AGO4: variants seen among roughly 807,000 people sequenced by gnomAD.
AGO4 encodes argonaute RISC component 4.
A neutral mutation model predicts 104.7 loss-of-function variants in AGO4; 33 were observed. The ratio of observed to expected loss-of-function variants is 0.32; its 90% confidence interval spans 0.24 to 0.42. The LOEUF (loss-of-function observed/expected upper bound fraction) is 0.42. AGO4 is among the 10% of genes least tolerant of loss of function. The pLI is 1.00. For missense variants in AGO4, 711 were observed against 1,083.4 expected (o/e 0.66, Z 4.83); for synonymous variants, 331 against 364.7 (o/e 0.91, Z 1.05).
intron 1 of AGO4, among the ~76,000 whole-genome samples, chr1:35,809,580 A>G (rs1381803080): frequency 6.6e-6 from 1 of 152,190 alleles, no homozygotes; most frequent in Non-Finnish European, 1.5e-5. Flanking sequence ...ATGCCTTTTA[A>G]AAATAAATTG....
intron 15 of AGO4, among the ~76,000 whole-genome samples, chr1:35,843,416 C>G (rs1644496256): frequency 6.6e-6 from 1 of 151,890 alleles, no homozygotes; most frequent in Non-Finnish European, 1.5e-5. Context: ...TCATTGGGCC[C>G]CAGATCCAAT....
chr1:35,835,036 G>T, intron 12 of AGO4, among the ~76,000 whole-genome samples: 1 of 121,304 alleles, frequency 8.2e-6, no homozygotes, highest in Non-Finnish European at 1.8e-5. Context: ...TTTGAGGCAG[G>T]GTCCTGCTCT....
intron 2 of AGO4, among the ~76,000 whole-genome samples, chr1:35,818,499 C>A (rs1424266149): frequency 6.6e-6 from 1 of 152,094 alleles, no homozygotes; most frequent in Non-Finnish European, 1.5e-5. Context: ...TGGCACGTGC[C>A]TGTAATCCCA....
intron 2 of AGO4, among the ~76,000 whole-genome samples, chr1:35,821,764 A>G (rs1410197517): frequency 6.6e-6 from 1 of 152,208 alleles, no homozygotes; most frequent in Non-Finnish European, 1.5e-5. Flanking sequence ...CGGTATACAG[A>G]ATAATAAATC....
intron 7 of AGO4, among the ~76,000 whole-genome samples, chr1:35,828,032 A>C (rs1434728972): frequency 6.6e-6 from 1 of 152,068 alleles, no homozygotes; most frequent in Non-Finnish European, 1.5e-5. Flanking sequence ...GGTGTGAACC[A>C]GCACACCCAG....
rs72659692 is a variant in AGO4 at position 35,826,657 on chromosome 1, A to G, written c.761-91A>G. 65,711 of 1,129,604 alleles carry G rather than the reference A, an allele frequency of 0.058. 2,146 individuals carry two copies. The highest frequency in any genetic ancestry group is 0.077 in the Middle Eastern group (397 of 5,172). 70.0% of individuals were successfully genotyped at this position (1,129,604 alleles called of 1,614,324 possible). A position where few individuals can be genotyped will look rare whatever the true frequency, so the allele number is the denominator to read the frequency against. Reference sequence around the variant, plus strand: ...ATTCTTGCAATTTTTATCCTGTACAATGTCATGACATTTTGAAGACAACAT... The same window carrying G: ...ATTCTTGCAATTTTTATCCTGTACAGTGTCATGACATTTTGAAGACAACAT... On this transcript the variant is annotated intron_variant, in intron 6 of 17. Transcript: ENST00000373210.
intron 16 of AGO4, 60 bp downstream of exon 16, chr1:35,850,318 A>G: frequency 1.6e-6 from 2 of 1,272,494 alleles, no homozygotes; most frequent in African/African-American, 1.5e-5. Context: ...AAATTCAGCA[A>G]CTAGCTTGAG....
At chr1:35,821,868 T>C (rs527375671) in intron 2 of AGO4, among the ~76,000 whole-genome samples, 1 of 152,082 alleles carries the variant, frequency 6.6e-6, no homozygotes, top group Admixed American at 6.6e-5. Flanking sequence ...ATTCTCTTTC[T>C]CAAAACCAAT....
At chr1:35,816,028 A>G (rs1390306386) in intron 1 of AGO4, among the ~76,000 whole-genome samples, 1 of 152,216 alleles carries the variant, frequency 6.6e-6, no homozygotes, top group African/African-American at 2.4e-5. Context: ...CAGATTGTCC[A>G]GGTTCTAAAA....
rs11263829 is a variant in AGO4 at position 35,855,715 on chromosome 1, G to T, written c.*2110G>T. 6 of 150,972 alleles carry T rather than the reference G, an allele frequency of 4.0e-5. No homozygotes were observed. Among genetic ancestry groups the T allele is most frequent in the African/African-American group, 9.8e-5 (4 of 41,020 alleles). The allele number at this position is 150,972 out of a possible 1,614,324, so 9.4% of individuals were successfully genotyped here. On this transcript the variant is annotated 3_prime_UTR_variant, in exon 18 of 18. Transcript: ENST00000373210. ...AATACAAATCAGGACATGTTGGTGA[G>T]GGGCTGGCTGCTTGGCTGCTGCTTT...
At chr1:35,848,970 A>G (rs540672536) in intron 15 of AGO4, among the ~76,000 whole-genome samples, 1 of 152,330 alleles carries the variant, frequency 6.6e-6, no homozygotes, top group South Asian at 2.1e-4. Context: ...GCATAGGTGT[A>G]TGATCTTCAG....
At chr1:35,815,175 G>A (rs2148650447) in intron 1 of AGO4, among the ~76,000 whole-genome samples, 1 of 152,282 alleles carries the variant, frequency 6.6e-6, no homozygotes, top group Admixed American at 6.5e-5. Flanking sequence ...ACCACGCCTG[G>A]CCCAGAACAA....
chr1:35,827,997 G>A (rs1401736923), intron 7 of AGO4, among the ~76,000 whole-genome samples: 2 of 151,060 alleles, frequency 1.3e-5, no homozygotes, highest in East Asian at 3.9e-4. Context: ...TGCCCGCCTC[G>A]GCCTCCCAAA....
At chr1:35,830,474 G>A (rs1207236839) in intron 7 of AGO4, among the ~76,000 whole-genome samples, 1 of 152,160 alleles carries the variant, frequency 6.6e-6, no homozygotes, top group Non-Finnish European at 1.5e-5. Flanking sequence ...ATTTGTACCT[G>A]TAGGTGTTAC....
Position 35,850,970 on chromosome 1 carries a change from A to T in AGO4, c.2394A>T (p.Ser798=), listed in dbSNP as rs4652895. 1.9e-5 allele frequency: 31 copies of T among 1,613,850 alleles called. No homozygotes were observed. Among genetic ancestry groups the T allele is most frequent in the Admixed American group, 3.3e-5 (2 of 59,946 alleles). Residue 798 remains serine (S), a synonymous_variant, in exon 17 of 18, where the codon TCA becomes TCT. Transcript: ENST00000373210. ...ACACCTATGTGAGGTGCACTCGCTCAGTCTCTATTCCAGCCCCTGCATATT... is the reference window on the plus strand; with the variant it reads ...ACACCTATGTGAGGTGCACTCGCTCTGTCTCTATTCCAGCCCCTGCATATT... The part of the protein sequence containing the change: ...LCHTYVRCTR[S]VSIPAPAYYA...
intron 13 of AGO4, among the ~76,000 whole-genome samples, chr1:35,837,127 G>A (rs1451078188): frequency 6.6e-6 from 1 of 152,064 alleles, no homozygotes; most frequent in African/African-American, 2.4e-5. Flanking sequence ...CTGTCACTCA[G>A]GCTGGAGTGC....
intron 1 of AGO4, among the ~76,000 whole-genome samples, chr1:35,813,681 C>T (rs1643582884): frequency 7.0e-6 from 1 of 143,182 alleles, no homozygotes; most frequent in Non-Finnish European, 1.5e-5. Context: ...TCCAGGAGGT[C>T]GAGGCTGCAG....
rs570916207 is a variant in AGO4 at position 35,808,622 on chromosome 1, C to G, written c.19+187C>G. Among the ~76,000 whole-genome samples the G allele has an allele frequency of 6.6e-6, 1 of 152,180 alleles. No homozygotes were observed. The highest frequency in any genetic ancestry group is 2.4e-5 in the African/African-American group (1 of 41,552). ...TGGGGGGCGGTGACCGCGCCCCAGCCGGCCGTTGGGTGGATCCCGAGGTCC... is the reference window on the plus strand; with the variant it reads ...TGGGGGGCGGTGACCGCGCCCCAGCGGGCCGTTGGGTGGATCCCGAGGTCC... On this transcript the variant is annotated intron_variant, in intron 1 of 17. Transcript: ENST00000373210. This position sits in a 1 kb window ranked among gnomAD's most constrained non-coding sequence, Gnocchi z 5.2.
At position 35,853,902 on chromosome 1, in the gene AGO4, G is replaced by A. The variant is rs1644763422; in HGVS notation, c.*297G>A. The stretch of plus-strand genomic sequence containing the variant: ...CTTTCTAAAGGACTTTACAAGAAGG[G>A]TTTCTATGGAATATTTTGCTAGCTG... On this transcript the variant is annotated 3_prime_UTR_variant, in exon 18 of 18. Transcript: ENST00000373210. 1.4e-5 allele frequency: 3 copies of A among 220,562 alleles called. No individual in the cohort carries two copies. In the Admixed American group the frequency reaches 1.7e-4, roughly 12 times the overall value. 13.7% of individuals were successfully genotyped at this position (220,562 alleles called of 1,614,324 possible).
Sources: gnomAD v4.1 joint callset for allele counts (sites outside exome capture counted in the v4.1 genomes callset) on GRCh38, gnomAD v4.1.1 for gene constraint, Gnocchi (gnomAD v3.1) non-coding constraint, MANE v1.5 for transcripts, NCBI Gene and HGNC (gene_info 2026-07-23, HGNC 2026-07-21) for gene names.